The following PBRM1 variants were observed in gnomAD, a reference collection of about 807,000 sequenced individuals.
The protein encoded by PBRM1 is protein polybromo-1.
A neutral mutation model predicts 194.5 loss-of-function variants in PBRM1; 27 were observed. The observed-to-expected ratio is 0.14, with a 90% CI of 0.10 to 0.19. The LOEUF is 0.19. Among genes scored for constraint, PBRM1 ranks in the 10% least tolerant of loss-of-function variants. The pLI is 1.00. For missense variants in PBRM1, 1,466 were observed against 2,077.2 expected, an observed-to-expected ratio of 0.71 and a Z score of 5.72; for synonymous variants, 655 against 693.2, an observed-to-expected ratio of 0.94 and a Z score of 0.87.
In PBRM1 at chr3:52,652,830, T is replaced by G. The variant is rs563653521; in HGVS notation, c.646-1020A>C. 4.6e-5 allele frequency among the ~76,000 whole-genome samples: 7 copies of G among 151,866 alleles called. No individual in the cohort carries two copies. In the East Asian group the frequency reaches 1.2e-3, roughly 25 times the overall value. ...CTGGCCAACATAGCGAAACCCTGTC[T>G]CCATTAAAAATACAAAAATTAGCCA... On this transcript the variant is annotated intron_variant, in intron 5 of 29. Transcript: ENST00000296302.
chr3:52,671,741 T>C (rs1245705283), intron 2 of PBRM1, among the ~76,000 whole-genome samples: 1 of 152,234 alleles, frequency 6.6e-6, no homozygotes, highest in African/African-American at 2.4e-5. Context: ...AACTCAAATA[T>C]GGAGACAGTT....
At chr3:52,573,592 G>T (rs1334482679) in intron 22 of PBRM1, among the ~76,000 whole-genome samples, 1 of 152,148 alleles carries the variant, frequency 6.6e-6, no homozygotes, top group Non-Finnish European at 1.5e-5. Context: ...ACCATGCCCG[G>T]CCAGAATGTA....
rs1230237204 is a variant in PBRM1, at chr3:52,597,357, CG to C, written c.2779+6163del. 3.3e-5 allele frequency among the ~76,000 whole-genome samples: 5 copies of C among 152,240 alleles called. No homozygotes were observed. The East Asian group carries it at 9.7e-4, about 29-fold the overall frequency. On this transcript the variant is annotated intron_variant, in intron 17 of 29. Transcript: ENST00000296302. ...AGGACAATTGGTGGAGGCTTCTATT[CG>C]GCCATCTTGCTCTGTCTCCTAATTC...
chr3:52,638,724 G>C (rs2095930770), intron 10 of PBRM1, among the ~76,000 whole-genome samples: 2 of 151,632 alleles, frequency 1.3e-5, no homozygotes, highest in South Asian at 4.2e-4. Flanking sequence ...CTACCAAGTA[G>C]GTAGGACTAC....
At chr3:52,567,543 T>C (rs1297825601) in intron 22 of PBRM1, among the ~76,000 whole-genome samples, 1 of 132,640 alleles carries the variant, frequency 7.5e-6, no homozygotes, top group Non-Finnish European at 1.5e-5. Flanking sequence ...TTCTGGATCT[T>C]TGACAATTTG....
intron 22 of PBRM1, among the ~76,000 whole-genome samples, chr3:52,574,979 C>T (rs2088950095): frequency 6.6e-6 from 1 of 152,188 alleles, no homozygotes; most frequent in Admixed American, 6.5e-5. Flanking sequence ...TGGCTCACTG[C>T]AGCCTCGACC....
chr3:52,657,419 C>T (rs573937120), intron 5 of PBRM1, among the ~76,000 whole-genome samples: 1 of 152,028 alleles, frequency 6.6e-6, no homozygotes, highest in African/African-American at 2.4e-5. Flanking sequence ...AGACCGTATA[C>T]ATTTTGTGCT....
intron 21 of PBRM1, among the ~76,000 whole-genome samples, chr3:52,578,324 T>C (rs2090228105): frequency 6.6e-6 from 1 of 152,206 alleles, no homozygotes. Flanking sequence ...AAAAAGAATA[T>C]TTGTCTGTTT....
At chr3:52,641,661 G>C (rs1271420107) in intron 10 of PBRM1, among the ~76,000 whole-genome samples, 1 of 152,022 alleles carries the variant, frequency 6.6e-6, no homozygotes, top group Non-Finnish European at 1.5e-5. Flanking sequence ...GGATTTCTGA[G>C]ATTTTCTGAT....
At chr3:52,591,754 G>T (rs1347971136) in intron 17 of PBRM1, among the ~76,000 whole-genome samples, 1 of 147,138 alleles carries the variant, frequency 6.8e-6, no homozygotes, top group Non-Finnish European at 1.5e-5. Flanking sequence ...TTCTCACCTC[G>T]TGATCCACCC....
intron 13 of PBRM1, 38 bp downstream of exon 15, chr3:52,624,859 T>C: frequency 7.3e-7 from 1 of 1,362,736 alleles, no homozygotes; most frequent in Non-Finnish European, 1.0e-6. Flanking sequence ...GAAGATACAC[T>C]TTAAAAGAAT....
chr3:52,683,755 T>C (rs181445794), upstream of PBRM1, among the ~76,000 whole-genome samples: 469 of 109,642 alleles, frequency 4.3e-3, 3 homozygotes, highest in African/African-American at 0.016. Flanking sequence ...GAGGCAGAGA[T>C]TGCAGTGAGC....
chr3:52,668,033 C>T (rs901178153), intron 3 of PBRM1, among the ~76,000 whole-genome samples: 1 of 152,184 alleles, frequency 6.6e-6, no homozygotes, highest in South Asian at 2.1e-4. Flanking sequence ...CAGTGGCTCA[C>T]GCCCATAATC....
chr3:52,623,623 ACATTTAC>A (rs1449529719), intron 13 of PBRM1, among the ~76,000 whole-genome samples: 4 of 152,254 alleles, frequency 2.6e-5, no homozygotes, highest in Non-Finnish European at 4.4e-5. Context: ...ATAAACAGCT[ACATTTAC>A]TGAGTACTCA....
intron 3 of PBRM1, among the ~76,000 whole-genome samples, chr3:52,665,522 T>C (rs1212846721): frequency 6.6e-6 from 1 of 152,156 alleles, no homozygotes; most frequent in Non-Finnish European, 1.5e-5. Context: ...TACCAGTCCA[T>C]GGCCTGTTTG....
At chr3:52,658,062 G>A in intron 5 of PBRM1, 137 bp downstream of exon 6, 1 of 574,676 alleles carries the variant, frequency 1.7e-6, no homozygotes, top group Non-Finnish European at 3.2e-6. Context: ...CAAAGTGCTG[G>A]GATTACAGGC....
chr3:52,618,226 C>T (rs534084446), intron 13 of PBRM1, among the ~76,000 whole-genome samples: 3 of 152,194 alleles, frequency 2.0e-5, no homozygotes, highest in South Asian at 2.1e-4. Flanking sequence ...AGCATGAATC[C>T]GTCTTGTTCT....
chr3:52,561,729 C>T (rs1256277292), intron 25 of PBRM1, 38 bp downstream of exon 27: 1 of 1,577,898 alleles, frequency 6.3e-7, no homozygotes, highest in Admixed American at 1.7e-5. Flanking sequence ...GAAACACCCC[C>T]TTGCTTCGAA....
chr3:52,546,231 A>G (rs910444533), downstream of PBRM1: 4 of 232,752 alleles, frequency 1.7e-5, no homozygotes, highest in Admixed American at 1.7e-4. Flanking sequence ...ACTAAATTTC[A>G]TGTTCTTTGG....
Sources: gnomAD v4.1 joint callset for allele counts (sites outside exome capture counted in the v4.1 genomes callset) on GRCh38, gnomAD v4.1.1 for gene constraint, MANE v1.5 for transcripts, NCBI Gene and HGNC (gene_info 2026-07-23, HGNC 2026-07-21) for gene names.